MAML3: variants seen among roughly 807,000 people sequenced by gnomAD.
MAML3 encodes mastermind-like protein 3.
In MAML3, 27 loss-of-function variants were observed where a neutral mutation model predicts 101.9. That is an observed-to-expected ratio of 0.27 (90% CI 0.20 to 0.37). MAML3 has a LOEUF of 0.37. Among genes scored for constraint, MAML3 ranks in the 10% least tolerant of loss-of-function variants. MAML3 has a pLI of 1.00. For synonymous variants in MAML3, 501 were observed against 555.9 expected, an observed-to-expected ratio of 0.90 and a Z score of 1.39; for missense variants, 1,316 against 1,444.9, an observed-to-expected ratio of 0.91 and a Z score of 1.45.
At chr4:139,782,838 A>C (rs1369078773) in intron 2 of MAML3, among the ~76,000 whole-genome samples, 5 of 152,166 alleles carry the variant, frequency 3.3e-5, no homozygotes, top group Non-Finnish European at 7.3e-5. Flanking sequence ...TTTGGGGCTC[A>C]ATTTGGGAAT....
intron 1 of MAML3, among the ~76,000 whole-genome samples, chr4:140,129,533 G>C (rs983390387): frequency 6.6e-6 from 1 of 152,138 alleles, no homozygotes; most frequent in Non-Finnish European, 1.5e-5. Flanking sequence ...ATTTCCCTTG[G>C]TTCTCTGAAA....
intron 2 of MAML3, among the ~76,000 whole-genome samples, chr4:139,792,326 A>G (rs1159869817): frequency 6.6e-6 from 1 of 152,234 alleles, no homozygotes; most frequent in African/African-American, 2.4e-5. Flanking sequence ...TAGCATATTT[A>G]AAACAATATA....
intron 1 of MAML3, among the ~76,000 whole-genome samples, chr4:140,084,171 T>G (rs1037491947): frequency 2.0e-5 from 3 of 152,208 alleles, no homozygotes; most frequent in Admixed American, 2.0e-4. Context: ...TCTGATAATA[T>G]GCACGTGAGA....
chr4:139,902,170 C>A (rs1732734687), intron 1 of MAML3, among the ~76,000 whole-genome samples: 1 of 152,186 alleles, frequency 6.6e-6, no homozygotes, highest in African/African-American at 2.4e-5. Flanking sequence ...CTAAGAGCTA[C>A]CCTCCTGGAA....
At chr4:139,782,235 T>A (rs1040774057) in intron 2 of MAML3, among the ~76,000 whole-genome samples, 1 of 152,188 alleles carries the variant, frequency 6.6e-6, no homozygotes, top group Non-Finnish European at 1.5e-5. Flanking sequence ...CAATGATAGT[T>A]CACTGCAGCC....
chr4:139,999,057 C>T (rs1448290627), intron 1 of MAML3, among the ~76,000 whole-genome samples: 1 of 152,224 alleles, frequency 6.6e-6, no homozygotes, highest in African/African-American at 2.4e-5. Flanking sequence ...CCACTAGACT[C>T]TTCCTCATCT....
intron 2 of MAML3, among the ~76,000 whole-genome samples, chr4:139,861,885 G>A (rs552367298): frequency 6.6e-6 from 1 of 152,246 alleles, no homozygotes; most frequent in Admixed American, 6.5e-5. Context: ...AAACTCATCT[G>A]CACACTGGAA....
intron 1 of MAML3, among the ~76,000 whole-genome samples, chr4:139,912,411 C>T (rs1448932570): frequency 6.6e-6 from 1 of 152,170 alleles, no homozygotes; most frequent in Non-Finnish European, 1.5e-5. Flanking sequence ...AGGTTTCGTA[C>T]AGCTAGTCCG....
intron 1 of MAML3, among the ~76,000 whole-genome samples, chr4:140,121,796 G>T (rs531681476): frequency 2.6e-5 from 4 of 152,292 alleles, no homozygotes; most frequent in African/African-American, 9.6e-5. Flanking sequence ...GCATGATATG[G>T]TTTGGCTGTG....
chr4:139,953,598 G>A (rs1296957219), intron 1 of MAML3, among the ~76,000 whole-genome samples: 1 of 152,204 alleles, frequency 6.6e-6, no homozygotes, highest in Non-Finnish European at 1.5e-5. Context: ...CAGCCTGGGT[G>A]ATAGAGCGAG....
chr4:139,979,290 C>T (rs1734402289), intron 1 of MAML3, among the ~76,000 whole-genome samples: 1 of 152,184 alleles, frequency 6.6e-6, no homozygotes, highest in African/African-American at 2.4e-5. Context: ...ACTTACCTGG[C>T]TCATAGCTCC....
chr4:139,956,669 C>A (rs757915811), intron 1 of MAML3, among the ~76,000 whole-genome samples: 9 of 152,154 alleles, frequency 5.9e-5, no homozygotes, highest in Non-Finnish European at 1.2e-4. Flanking sequence ...CTGCACAAAG[C>A]GATGGGGAGC....
At position 140,028,976 on chromosome 4, in the gene MAML3, G is replaced by A. The variant is rs963830096; in HGVS notation, c.468+123884C>T. On this transcript the variant is annotated intron_variant, in intron 1 of 4. Coordinates refer to ENST00000509479, the MANE Select transcript of MAML3 (RefSeq NM_018717.5). ...GTTGTCATTGTCACTTTTAGACTGC[G>A]TCTGGTTTTTACAATGATGTCCAGT... 1.8e-4 allele frequency among the ~76,000 whole-genome samples: 27 copies of A among 151,944 alleles called. 1 individual carries two copies. The highest frequency in any genetic ancestry group is 1.3e-3 in the Admixed American group (20 of 15,258).
At chr4:140,027,891 C>A (rs1726851220) in intron 1 of MAML3, among the ~76,000 whole-genome samples, 1 of 152,020 alleles carries the variant, frequency 6.6e-6, no homozygotes, top group Admixed American at 6.6e-5. Flanking sequence ...ATTTTCAAAA[C>A]AAAAAATCGA....
chr4:139,882,473 A>T lies in MAML3; in HGVS notation c.2079+6884T>A, dbSNP rs1161863241. Among the ~76,000 whole-genome samples the T allele has an allele frequency of 2.0e-5, 3 of 152,214 alleles. No individual in the cohort carries two copies. In the East Asian group the frequency reaches 5.8e-4, roughly 29 times the overall value. ...TACACACATAGGGTGGGGAATCCAA[A>T]TGGCCCTGGACTTAATAGTAGGGAA... On this transcript the variant is annotated intron_variant, in intron 2 of 4. Transcript: ENST00000509479.
At chr4:140,121,539 G>A (rs1728605880) in intron 1 of MAML3, among the ~76,000 whole-genome samples, 1 of 152,096 alleles carries the variant, frequency 6.6e-6, no homozygotes, top group African/African-American at 2.4e-5. Flanking sequence ...AGCCTTCATT[G>A]TTATATACTA....
intron 1 of MAML3, among the ~76,000 whole-genome samples, chr4:139,918,399 C>T (rs573998578): frequency 6.6e-5 from 10 of 152,262 alleles, no homozygotes; most frequent in Non-Finnish European, 1.0e-4. Flanking sequence ...GCATCTGCAC[C>T]GGTGCTTCTC....
In MAML3 at chr4:140,024,162, A is replaced by C. The variant is rs575781110; in HGVS notation, c.468+128698T>G. ...ATGTGGAAACTGAGGCACAGATAGG[A>C]TAAGTAACTTGCCAAGGTCACATAC... On this transcript the variant is annotated intron_variant, in intron 1 of 4. Transcript: ENST00000509479. 7.2e-5 allele frequency among the ~76,000 whole-genome samples: 11 copies of C among 152,308 alleles called. No individual in the cohort carries two copies. The East Asian group carries it at 9.6e-4, about 13-fold the overall frequency.
intron 2 of MAML3, among the ~76,000 whole-genome samples, chr4:139,758,646 T>G (rs1210285184): frequency 6.6e-6 from 1 of 152,214 alleles, no homozygotes; most frequent in Non-Finnish European, 1.5e-5. Flanking sequence ...CGGTACGTTA[T>G]CAAACATTTC....
Sources: allele counts gnomAD v4.1 joint callset (sites outside exome capture counted in the v4.1 genomes callset), GRCh38; gene constraint gnomAD v4.1.1; transcripts MANE v1.5; gene names NCBI Gene and HGNC (gene_info 2026-07-23, HGNC 2026-07-21).